Variants in CAGE1 observed in about 807,000 individuals in gnomAD.
CAGE1 encodes the protein cancer antigen 1, also known as cancer-associated gene 1 protein.
CAGE1 carries 66 observed loss-of-function variants against 94.9 expected under a neutral mutation model. The observed-to-expected ratio is 0.70, with a 90% CI of 0.57 to 0.85. The LOEUF (loss-of-function observed/expected upper bound fraction) is 0.85, where lower values mean the gene tolerates loss of function less well. CAGE1 is among the 40% of genes least tolerant of loss of function. CAGE1 has a pLI of 0.00. For missense variants in CAGE1, 865 were observed against 950.4 expected (o/e 0.91, Z 1.18); for synonymous variants, 319 against 321.0 (o/e 0.99, Z 0.07).
intron 11 of CAGE1, among the ~76,000 whole-genome samples, chr6:7,338,271 T>C (rs1581658970): frequency 6.6e-6 from 1 of 152,216 alleles, no homozygotes; most frequent in Non-Finnish European, 1.5e-5. Flanking sequence ...TCTTGCCTGA[T>C]TGTACTGGAC....
intron 9 of CAGE1, among the ~76,000 whole-genome samples, chr6:7,358,361 A>C (rs1345065685): frequency 6.6e-6 from 1 of 152,040 alleles, no homozygotes; most frequent in African/African-American, 2.4e-5. Flanking sequence ...CATGTGTTTC[A>C]GTAGTTCATC....
chr6:7,341,692 C>G (rs1759183398), intron 11 of CAGE1: 19 of 712,420 alleles, frequency 2.7e-5, no homozygotes. Flanking sequence ...CAGGCAGGAG[C>G]TAAAGTCAAA....
In CAGE1 at chr6:7,373,950, T is replaced by C. The variant is rs148511680; in HGVS notation, c.869A>G (p.Glu290Gly). ...AGGTTGTAAGCTTTCAGCACTTTGC[T>C]CCCAGTCAGGCATCTCACAGTTCTC... ...CRENCEMPDW[E>G]QSAESLQPVQ... The change falls in exon 5 of 14, where the codon GAG becomes GGG. Residue 290 changes from glutamate to glycine, a missense_variant. Transcript: ENST00000502583. 924 of 1,614,028 alleles carry C rather than the reference T, an allele frequency of 5.7e-4. 5 individuals carry two copies. In the African/African-American group the frequency reaches 9.5e-3, roughly 17 times the overall value.
chr6:7,354,810 C>A (rs1446828036), intron 11 of CAGE1, among the ~76,000 whole-genome samples: 2 of 152,110 alleles, frequency 1.3e-5, no homozygotes, highest in African/African-American at 4.8e-5. Context: ...TCCTTCATCA[C>A]CCCTTTAAAT....
intron 11 of CAGE1, 106 bp from the exon 12 acceptor site, chr6:7,334,196 TTATCTA>T (rs1405326442): frequency 1.6e-6 from 1 of 641,956 alleles, no homozygotes; most frequent in African/African-American, 1.8e-5. Context: ...GGTAATCTAA[TTATCTA>T]TATGCTATCC....
chr6:7,360,195 C>A (rs920444122), intron 9 of CAGE1, among the ~76,000 whole-genome samples: 1 of 152,146 alleles, frequency 6.6e-6, no homozygotes, highest in African/African-American at 2.4e-5. Flanking sequence ...ATAATGTACC[C>A]CTGAATCTCA....
At chr6:7,346,709 G>T (rs1294372523) in intron 11 of CAGE1, among the ~76,000 whole-genome samples, 1 of 151,658 alleles carries the variant, frequency 6.6e-6, no homozygotes, top group African/African-American at 2.4e-5. Context: ...AAATAGCCAG[G>T]TGTGGTAGTG....
rs370613501 is a variant in CAGE1, at chr6:7,369,894, A to T, written c.1893+25T>A. On this transcript the variant is annotated intron_variant, in intron 6 of 13. Coordinates refer to ENST00000502583, the MANE Select transcript of CAGE1 (RefSeq NM_001170692.2). ...CAGTATTTATTCCTCCCCTACTAAA[A>T]TATCTAATATATATGTTTTATTACC... 33 of 1,577,828 alleles carry T rather than the reference A, an allele frequency of 2.1e-5. No individual in the cohort carries two copies. In the African/African-American group the frequency reaches 4.1e-4, roughly 20 times the overall value.
At chr6:7,327,750 G>C (rs1177355577) in intron 13 of CAGE1, among the ~76,000 whole-genome samples, 1 of 151,910 alleles carries the variant, frequency 6.6e-6, no homozygotes, top group Non-Finnish European at 1.5e-5. Flanking sequence ...GACCAACATG[G>C]AGAAACCCCG....
chr6:7,333,653 T>TATATATATATAC (rs1220506812), intron 12 of CAGE1, among the ~76,000 whole-genome samples: 7 of 111,496 alleles, frequency 6.3e-5, no homozygotes, highest in African/African-American at 2.2e-4. Flanking sequence ...TATATATATA[T>TATATATATATAC]ATATATATAT....
rs1760300270 is a variant in CAGE1 at position 7,365,516 on chromosome 6, TC to T, written c.2144del (p.Gly715GlufsTer10). 6.2e-7 allele frequency: 1 copy of T among 1,613,428 alleles called. No homozygotes were observed. Among genetic ancestry groups the T allele is most frequent in the Non-Finnish European group, 8.5e-7 (1 of 1,179,646 alleles). On this transcript the variant is annotated frameshift_variant, in exon 9 of 14. Coordinates refer to ENST00000502583, the MANE Select transcript of CAGE1 (RefSeq NM_001170692.2). LOFTEE classifies it high-confidence loss of function. ...KSIRDVPTLL[G>X]AKLDKYHSLN... ...GACTGTGGTACTTATCCAGTTTGGC[TC>T]CCAGAAGGGTAGGTACATCTCTGAT... is the stretch of plus-strand genomic sequence containing the variant.
At chr6:7,374,549 T>C (rs1443749933) in intron 4 of CAGE1, among the ~76,000 whole-genome samples, 2 of 151,900 alleles carry the variant, frequency 1.3e-5, no homozygotes, top group Non-Finnish European at 2.9e-5. Flanking sequence ...TTTTTTTTTT[T>C]ACATGTTATT....
chr6:7,331,223 G>T, intron 12 of CAGE1: 1 of 408,318 alleles, frequency 2.4e-6, no homozygotes, highest in Non-Finnish European at 4.4e-6. Context: ...TTGGGGTCAC[G>T]GTAAGATACA....
At chr6:7,375,084 T>G (rs6913099) in intron 4 of CAGE1, among the ~76,000 whole-genome samples, 1 of 151,062 alleles carries the variant, frequency 6.6e-6, no homozygotes, top group Non-Finnish European at 1.5e-5. Flanking sequence ...AAGACAGTAA[T>G]TTGTGGTAAG....
chr6:7,329,867 A>G lies in CAGE1; in HGVS notation c.2460T>C (p.His820=). ...RKPRSKSLEN[H]PKSMTMMPAL... ...GACCTACCATGGTCATGGACTTCGG[A>G]TGATTTTCTAAGCTTTTTGATCTGT... Residue 820 remains histidine, a synonymous_variant, in exon 13 of 14, where the codon CAT becomes CAC. Transcript: ENST00000502583. The G allele has an allele frequency of 1.4e-6, 2 of 1,460,124 alleles. No homozygotes were observed. Among genetic ancestry groups the G allele is most frequent in the Non-Finnish European group, 1.9e-6 (2 of 1,052,392 alleles). The allele number at this position is 1,460,124 out of a possible 1,614,324, so 90.4% of individuals were successfully genotyped here. A position where few individuals can be genotyped will look rare whatever the true frequency, so the allele number is the denominator to read the frequency against.
At chr6:7,342,187 C>T in intron 11 of CAGE1, 1 of 971,898 alleles carries the variant, frequency 1.0e-6, no homozygotes, top group African/African-American at 1.6e-5. Context: ...GGCCCCCTGC[C>T]CATATCTGAC....
chr6:7,331,441 T>C (rs1277723962), intron 12 of CAGE1: 5 of 497,192 alleles, frequency 1.0e-5, no homozygotes, highest in Middle Eastern at 3.1e-4. Context: ...ACTGTTCCAA[T>C]ACCAGCAGCA....
chr6:7,358,042 A>ATATATATATATG (rs1192155867), intron 9 of CAGE1, among the ~76,000 whole-genome samples: 1 of 101,318 alleles, frequency 9.9e-6, no homozygotes, highest in East Asian at 3.0e-4. Context: ...ATATATATAT[A>ATATATATATATG]TATATATATA....
chr6:7,385,931 G>T (rs1761107575), intron 2 of CAGE1, 59 bp from the exon 3 acceptor site: 1 of 878,840 alleles, frequency 1.1e-6, no homozygotes, highest in Admixed American at 2.8e-5. Flanking sequence ...TCTTCTAAAG[G>T]TATTTGCACA....
Sources: gnomAD v4.1 joint callset for allele counts (sites outside exome capture counted in the v4.1 genomes callset) on GRCh38, gnomAD v4.1.1 for gene constraint, MANE v1.5 for transcripts, NCBI Gene and HGNC (gene_info 2026-07-23, HGNC 2026-07-21) for gene names.